FXR1: variants seen among roughly 807,000 people sequenced by gnomAD.
FXR1 encodes the protein RNA-binding protein FXR1.
A neutral mutation model predicts 84.0 loss-of-function variants in FXR1; 15 were observed. That is an observed-to-expected ratio of 0.18 (90% CI 0.12 to 0.27). FXR1 has a LOEUF of 0.27. Among genes scored for constraint, FXR1 ranks in the 10% least tolerant of loss-of-function variants. The pLI is 1.00. For synonymous variants in FXR1, 245 were observed against 250.7 expected (o/e 0.98, Z 0.21); for missense variants, 480 against 774.4 (o/e 0.62, Z 4.51).
intron 1 of FXR1, among the ~76,000 whole-genome samples, chr3:180,919,493 C>T (rs116270642): frequency 0.014 from 2,116 of 151,688 alleles, 29 homozygotes; most frequent in Non-Finnish European, 0.024. Flanking sequence ...CCATGTTGGC[C>T]GGCTGGTTTC....
chr3:180,966,592 T>C (rs1464562554), intron 13 of FXR1, among the ~76,000 whole-genome samples: 1 of 152,184 alleles, frequency 6.6e-6, no homozygotes, highest in Non-Finnish European at 1.5e-5. Flanking sequence ...ATTATTTGGT[T>C]GAGAAAATTG....
chr3:180,948,152 C>T (rs921370670), intron 4 of FXR1, 195 bp from the exon 5 acceptor site: 5 of 613,682 alleles, frequency 8.1e-6, no homozygotes, highest in Admixed American at 6.2e-5. Context: ...CATGTAAGGA[C>T]CGCCAAGGTT....
chr3:180,933,269 A>G lies in FXR1; in HGVS notation c.52-65A>G, dbSNP rs563069718. 87 of 936,024 alleles carry G rather than the reference A, an allele frequency of 9.3e-5. No individual in the cohort carries two copies. In the East Asian group the frequency reaches 2.0e-3, roughly 22 times the overall value. The allele number at this position is 936,024 out of a possible 1,614,324, so 58.0% of individuals were successfully genotyped here. A position where few individuals can be genotyped will look rare whatever the true frequency, so the allele number is the denominator to read the frequency against. On this transcript the variant is annotated intron_variant, in intron 1 of 16. Coordinates refer to ENST00000357559, the MANE Select transcript of FXR1 (RefSeq NM_005087.4). Reference sequence around the variant, plus strand: ...TACTCCCTATTATCTTTGAACTAATACAACCTTTTAGAGTTACGAAGTGCT... The same window carrying G: ...TACTCCCTATTATCTTTGAACTAATGCAACCTTTTAGAGTTACGAAGTGCT...
intron 13 of FXR1, among the ~76,000 whole-genome samples, chr3:180,966,905 C>G (rs532137557): frequency 6.6e-6 from 1 of 152,136 alleles, no homozygotes; most frequent in Admixed American, 6.5e-5. Context: ...TCATATGTAT[C>G]TGACATTTGA....
intron 1 of FXR1, among the ~76,000 whole-genome samples, chr3:180,932,536 T>G (rs1720060845): frequency 1.3e-5 from 2 of 152,218 alleles, no homozygotes; most frequent in South Asian, 2.1e-4. Context: ...GTATGTCAGA[T>G]CTTATGGTTT....
chr3:180,914,877 A>G, intron 1 of FXR1: 5 of 982,710 alleles, frequency 5.1e-6, no homozygotes, highest in Non-Finnish European at 6.0e-6. Context: ...TTTTATGTCC[A>G]GCCATAATCC....
chr3:180,947,323 A>T (rs1011652956), intron 3 of FXR1, among the ~76,000 whole-genome samples: 4 of 152,202 alleles, frequency 2.6e-5, no homozygotes, highest in African/African-American at 9.6e-5. Context: ...CTGGGATTAC[A>T]GGTGTGAGCC....
At chr3:180,919,767 G>A (rs1399359079) in intron 1 of FXR1, among the ~76,000 whole-genome samples, 1 of 151,880 alleles carries the variant, frequency 6.6e-6, no homozygotes, top group Non-Finnish European at 1.5e-5. Context: ...TCTGCCTCCC[G>A]GGTTCAAGCA....
chr3:180,961,645 C>A, intron 11 of FXR1, 91 bp downstream of exon 11: 1 of 612,210 alleles, frequency 1.6e-6, no homozygotes, highest in Non-Finnish European at 2.9e-6. Flanking sequence ...AATGTCCTCA[C>A]ATTAAACATT....
intron 1 of FXR1, among the ~76,000 whole-genome samples, chr3:180,921,096 G>A (rs989846372): frequency 3.6e-4 from 54 of 151,774 alleles, no homozygotes; most frequent in African/African-American, 1.3e-3. Flanking sequence ...TTGGCTGGGC[G>A]TGCTGGCTCT....
chr3:180,928,557 T>C (rs2108436967), intron 1 of FXR1, among the ~76,000 whole-genome samples: 1 of 152,152 alleles, frequency 6.6e-6, no homozygotes, highest in African/African-American at 2.4e-5. Flanking sequence ...ATGATGGTGT[T>C]TTACATTTTC....
chr3:180,980,266 A>G lies in FXR1; in HGVS notation c.*3974A>G, dbSNP rs1299213786. The G allele has an allele frequency of 6.6e-6, 1 of 152,076 alleles. No homozygotes were observed. Among genetic ancestry groups the G allele is most frequent in the African/African-American group, 2.4e-5 (1 of 41,438 alleles). 9.4% of individuals were successfully genotyped at this position (152,076 alleles called of 1,614,324 possible). A position where few individuals can be genotyped will look rare whatever the true frequency, so the allele number is the denominator to read the frequency against. On this transcript the variant is annotated 3_prime_UTR_variant, in exon 17 of 17. Transcript: ENST00000357559. ...GACATTTTCAACTATGCTGAATGCA[A>G]TCTATAAGATATTCCAAACAAGGAC...
chr3:180,915,987 A>G (rs1234231106), intron 1 of FXR1, among the ~76,000 whole-genome samples: 2 of 152,214 alleles, frequency 1.3e-5, no homozygotes, highest in Non-Finnish European at 2.9e-5. Flanking sequence ...AGCCCTATAA[A>G]TCTGCGGGGA....
intron 1 of FXR1, among the ~76,000 whole-genome samples, chr3:180,930,348 T>C (rs1261372687): frequency 6.6e-6 from 1 of 151,924 alleles, no homozygotes; most frequent in Non-Finnish European, 1.5e-5. Flanking sequence ...ATGTTTATGG[T>C]GGAAGCGTTT....
chr3:180,979,357 T>C lies in FXR1; in HGVS notation c.*3065T>C, dbSNP rs1222975463. On this transcript the variant is annotated 3_prime_UTR_variant, in exon 17 of 17. Coordinates refer to ENST00000357559, the MANE Select transcript of FXR1 (RefSeq NM_005087.4). Reference sequence around the variant, plus strand: ...GGTTAAGAATTACAGTAAAGGAAAATTACACCTGGATTTTCTTCTGTAAAG... The same window carrying C: ...GGTTAAGAATTACAGTAAAGGAAAACTACACCTGGATTTTCTTCTGTAAAG... 6.6e-6 allele frequency: 1 copy of C among 152,052 alleles called. No homozygotes were observed. Among genetic ancestry groups the C allele is most frequent in the Non-Finnish European group, 1.5e-5 (1 of 67,952 alleles). The allele number at this position is 152,052 out of a possible 1,614,324, so 9.4% of individuals were successfully genotyped here.
chr3:180,940,603 G>T (rs1721020551), intron 3 of FXR1, among the ~76,000 whole-genome samples: 1 of 124,256 alleles, frequency 8.0e-6, no homozygotes, highest in African/African-American at 3.9e-5. Flanking sequence ...TTTGGAGATG[G>T]AGTTTCGGTC....
chr3:180,976,192 A>G lies in FXR1; in HGVS notation c.1766A>G (p.Asp589Gly). 2 of 1,613,036 alleles carry G rather than the reference A, an allele frequency of 1.2e-6. No individual in the cohort carries two copies. Among genetic ancestry groups the G allele is most frequent in the Non-Finnish European group, 1.7e-6 (2 of 1,179,050 alleles). ...AACGGCCCAACTAGTGCTTCTGGCG[A>G]TGACATTTCTAAGCTACAGCGTACT... ...AINGPTSASG[D>G]DISKLQRTPG... is the part of the protein sequence containing the mutation. Residue 589 changes from aspartate (D) to glycine (G), a missense_variant, in exon 17 of 17, where the codon GAT becomes GGT. By Grantham distance (94) the Asp-to-Gly change is moderately conservative. This residue lies in a region of FXR1 where 94 missense variants were observed against 81.8 expected (regional missense o/e 1.15). Transcript: ENST00000357559.
intron 3 of FXR1, among the ~76,000 whole-genome samples, chr3:180,944,352 G>A (rs868227320): frequency 4.2e-4 from 63 of 150,536 alleles, no homozygotes; most frequent in East Asian, 2.0e-4. Flanking sequence ...ACAGGGTCTC[G>A]CTCTGTCACC....
chr3:180,920,280 A>G (rs1406364917), intron 1 of FXR1, among the ~76,000 whole-genome samples: 2 of 152,138 alleles, frequency 1.3e-5, no homozygotes, highest in African/African-American at 2.4e-5. Flanking sequence ...TTTTGTTGAT[A>G]TATGTACTTA....
Sources: allele counts gnomAD v4.1 joint callset (sites outside exome capture counted in the v4.1 genomes callset), GRCh38; gene constraint gnomAD v4.1.1; regional missense constraint gnomAD v4.1.1; transcripts MANE v1.5; gene names NCBI Gene and HGNC (gene_info 2026-07-23, HGNC 2026-07-21).